Variants in DHTKD1 observed in about 807,000 individuals in gnomAD.
DHTKD1 encodes the protein dehydrogenase E1 and transketolase domain containing 1.
A neutral mutation model predicts 101.8 loss-of-function variants in DHTKD1; 78 were observed. The observed-to-expected ratio is 0.77, with a 90% CI of 0.64 to 0.93. DHTKD1 has a LOEUF of 0.93. Ranked by LOEUF, DHTKD1 falls within the 40% of genes least tolerant of loss-of-function variation. The pLI, the probability that DHTKD1 is intolerant of heterozygous loss-of-function variation, is 0.00. For missense variants in DHTKD1, 1,223 were observed against 1,161.7 expected (o/e 1.05, Z -0.77); for synonymous variants, 462 against 450.3 (o/e 1.03, Z -0.33).
chr10:12,082,074 C>T (rs908237675), intron 2 of DHTKD1, among the ~76,000 whole-genome samples: 1 of 151,772 alleles, frequency 6.6e-6, no homozygotes, highest in African/African-American at 2.4e-5. Flanking sequence ...CTGCAGTGAG[C>T]CTTGATCGTG....
At chr10:12,074,109 G>A (rs949931309) in intron 1 of DHTKD1, among the ~76,000 whole-genome samples, 35 of 152,308 alleles carry the variant, frequency 2.3e-4, no homozygotes, top group African/African-American at 6.7e-4. Flanking sequence ...TACGCCTAAC[G>A]TAAAGGTATT....
chr10:12,088,978 C>G lies in DHTKD1; in HGVS notation c.718-8C>G. 6.2e-7 allele frequency: 1 copy of G among 1,610,668 alleles called. No individual in the cohort carries two copies. Among genetic ancestry groups the G allele is most frequent in the East Asian group, 2.2e-5 (1 of 44,808 alleles). On this transcript the variant is annotated splice_polypyrimidine_tract_variant and splice_region_variant and intron_variant, in intron 4 of 16. Coordinates refer to ENST00000263035, the MANE Select transcript of DHTKD1 (RefSeq NM_018706.7). The stretch of plus-strand genomic sequence containing the variant: ...CCATTTTTTTCCTTTTGAATGTATC[C>G]ACAATAGCTGATGTTCCGTAAAATG...
chr10:12,088,894 CT>C lies in DHTKD1; in HGVS notation c.718-86del, dbSNP rs1331075179. The C allele has an allele frequency of 4.0e-6, 5 of 1,255,692 alleles. No homozygotes were observed. The African/African-American group carries it at 7.4e-5, about 19-fold the overall frequency. 77.8% of individuals were successfully genotyped at this position (1,255,692 alleles called of 1,614,324 possible). A position where few individuals can be genotyped will look rare whatever the true frequency, so the allele number is the denominator to read the frequency against. Reference sequence around the variant, plus strand: ...GCCACCACTCCTGGCTTTAAATTTTCTTTTTTGTTGTATGATTTCAACTCAG... The same window carrying C: ...GCCACCACTCCTGGCTTTAAATTTTCTTTTTGTTGTATGATTTCAACTCAG... On this transcript the variant is annotated intron_variant, in intron 4 of 16. Coordinates refer to ENST00000263035, the MANE Select transcript of DHTKD1 (RefSeq NM_018706.7).
chr10:12,088,206 C>A (rs921157979), intron 4 of DHTKD1, among the ~76,000 whole-genome samples: 22 of 152,080 alleles, frequency 1.4e-4, no homozygotes, highest in Non-Finnish European at 2.8e-4. Context: ...ACCTGCAATC[C>A]CAGCACTTTG....
intron 12 of DHTKD1, 32 bp downstream of exon 12, chr10:12,108,047 C>T: frequency 1.3e-6 from 2 of 1,526,284 alleles, no homozygotes; most frequent in Non-Finnish European, 1.8e-6. Flanking sequence ...GTCAATGAAT[C>T]ATTTTCCTGC....
chr10:12,083,516 C>G (rs1832854018), intron 2 of DHTKD1, among the ~76,000 whole-genome samples: 1 of 152,092 alleles, frequency 6.6e-6, no homozygotes, highest in Non-Finnish European at 1.5e-5. Context: ...AAGAGGATCA[C>G]CTGAGGACAG....
At chr10:12,100,287 G>GTTTTTTTTTTTGTTTTTTTTTTTTT in intron 9 of DHTKD1, 25 bp downstream of exon 9, 1 of 269,862 alleles carries the variant, frequency 3.7e-6, no homozygotes, top group Non-Finnish European at 6.1e-6. Context: ...TTTTTTTTCT[G>GTTTTTTTTTTTGTTTTTTTTTTTTT]TTTTTTTTTT....
chr10:12,103,877 T>C lies in DHTKD1; in HGVS notation c.1897-2369T>C, dbSNP rs1161088812. On this transcript the variant is annotated intron_variant, in intron 10 of 16. Coordinates refer to ENST00000263035, the MANE Select transcript of DHTKD1 (RefSeq NM_018706.7). The surrounding 1 kb of genome is among the most constrained non-coding windows in gnomAD (Gnocchi z 4.8). ...GAGCTATAACTCATACAATTCAACCTCTCAGTGTGTACACTTGAGCAGTTT... is the reference window on the plus strand; with the variant it reads ...GAGCTATAACTCATACAATTCAACCCCTCAGTGTGTACACTTGAGCAGTTT... Among the ~76,000 whole-genome samples the C allele has an allele frequency of 6.6e-6, 1 of 152,146 alleles. No individual in the cohort carries two copies. The highest frequency in any genetic ancestry group is 1.5e-5 in the Non-Finnish European group (1 of 68,022).
chr10:12,119,480 G>A (rs1229658106), intron 15 of DHTKD1, among the ~76,000 whole-genome samples: 1 of 151,156 alleles, frequency 6.6e-6, no homozygotes, highest in Non-Finnish European at 1.5e-5. Flanking sequence ...GCCGGGCGTG[G>A]TGGCGGGCGC....
chr10:12,090,412 C>G lies in DHTKD1; in HGVS notation c.988-1101C>G. Among the ~76,000 whole-genome samples, 4 of 132,130 alleles carry G rather than the reference C, an allele frequency of 3.0e-5. 1 individual carries two copies. The East Asian group carries it at 8.9e-4, about 29-fold the overall frequency. The allele number at this position is 132,130 out of a possible 152,430, so 86.7% of individuals were successfully genotyped here. A position where few individuals can be genotyped will look rare whatever the true frequency, so the allele number is the denominator to read the frequency against. On this transcript the variant is annotated intron_variant, in intron 5 of 16. Transcript: ENST00000263035. ...TTTTTCCTTCCTTCCTTCCTTTTTT[C>G]CTTCCTTCCTTCCTTTTTCCTTCCT...
At chr10:12,094,033 GGTTAACTGTCCT>G (rs1322023420) in intron 6 of DHTKD1, 28 bp from the exon 7 acceptor site, 5 of 1,552,720 alleles carry the variant, frequency 3.2e-6, no homozygotes, top group Non-Finnish European at 4.4e-6. Context: ...TGTCATTCTG[GGTTAACTGTCCT>G]GTTTCGGCTT....
chr10:12,120,278 G>C lies in DHTKD1; in HGVS notation c.2658+11G>C. ...CAGCTGGCCTGCAAGGTAATCACAC[G>C]TTTTCTCTGGTAGTGTTTTGTGTTT... On this transcript the variant is annotated intron_variant, in intron 16 of 16. Coordinates refer to ENST00000263035, the MANE Select transcript of DHTKD1 (RefSeq NM_018706.7). The C allele has an allele frequency of 6.2e-7, 1 of 1,602,924 alleles. No homozygotes were observed.
At chr10:12,095,400 G>A (rs1013125248) in intron 7 of DHTKD1, among the ~76,000 whole-genome samples, 11 of 152,122 alleles carry the variant, frequency 7.2e-5, no homozygotes, top group East Asian at 5.8e-4. Flanking sequence ...TTGAAATGCC[G>A]GGCATGGTGG....
At chr10:12,099,038 C>T (rs941183056) in intron 8 of DHTKD1, among the ~76,000 whole-genome samples, 1 of 152,002 alleles carries the variant, frequency 6.6e-6, no homozygotes, top group Non-Finnish European at 1.5e-5. Context: ...GGCATGGTGG[C>T]GCATGCCTGT....
At position 12,107,368 on chromosome 10, in the gene DHTKD1, C is replaced by T. The variant is rs893570795; in HGVS notation, c.2048-541C>T. 6.6e-6 allele frequency among the ~76,000 whole-genome samples: 1 copy of T among 152,000 alleles called. No homozygotes were observed. Among genetic ancestry groups the T allele is most frequent in the Non-Finnish European group, 1.5e-5 (1 of 67,950 alleles). The stretch of plus-strand genomic sequence containing the variant: ...TGTCCAGGAAGCTGGGAACGTTCCC[C>T]TTTGAGTTTGTCTTCCACTCGTAAA... On this transcript the variant is annotated intron_variant, in intron 11 of 16. Coordinates refer to ENST00000263035, the MANE Select transcript of DHTKD1 (RefSeq NM_018706.7). The surrounding 1 kb of genome is among the most constrained non-coding windows in gnomAD (Gnocchi z 4.1).
intron 12 of DHTKD1, among the ~76,000 whole-genome samples, chr10:12,111,762 G>C (rs969436721): frequency 2.0e-5 from 3 of 152,122 alleles, no homozygotes; most frequent in Non-Finnish European, 4.4e-5. Context: ...AGGAGGTCCT[G>C]AGTTTAAAGG....
At position 12,101,316 on chromosome 10, in the gene DHTKD1, G is replaced by GA. The variant is rs1692942479; in HGVS notation, c.1896+136dup. ...GAAGTAAAGGAGTGCTAAATGGGTG[G>GA]ATGAGGTGGGTCTGTCAATTTGGAA... On this transcript the variant is annotated intron_variant, in intron 10 of 16. Transcript: ENST00000263035. 13 of 925,740 alleles carry GA rather than the reference G, an allele frequency of 1.4e-5. No homozygotes were observed. The East Asian group carries it at 3.5e-4, about 25-fold the overall frequency. The allele number at this position is 925,740 out of a possible 1,614,324, so 57.3% of individuals were successfully genotyped here. A position where few individuals can be genotyped will look rare whatever the true frequency, so the allele number is the denominator to read the frequency against.
At position 12,103,751 on chromosome 10, in the gene DHTKD1, A is replaced by G. The variant is rs1172848995; in HGVS notation, c.1897-2495A>G. Among the ~76,000 whole-genome samples the G allele has an allele frequency of 2.6e-5, 4 of 152,142 alleles. No homozygotes were observed. Among genetic ancestry groups the G allele is most frequent in the Non-Finnish European group, 5.9e-5 (4 of 68,014 alleles). ...GTGTCATCTTGAATTCCTGGCCTCA[A>G]GCAATCCTCCTGCCTTGGCCTCCCA... On this transcript the variant is annotated intron_variant, in intron 10 of 16. Coordinates refer to ENST00000263035, the MANE Select transcript of DHTKD1 (RefSeq NM_018706.7). This position sits in a 1 kb window ranked among gnomAD's most constrained non-coding sequence, Gnocchi z 4.8.
chr10:12,077,561 C>A (rs969904959), intron 1 of DHTKD1, among the ~76,000 whole-genome samples: 2 of 152,156 alleles, frequency 1.3e-5, no homozygotes, highest in African/African-American at 4.8e-5. Context: ...GATGCTTTTT[C>A]ATCAATCATT....
Sources: gnomAD v4.1 joint callset for allele counts (sites outside exome capture counted in the v4.1 genomes callset) on GRCh38, gnomAD v4.1.1 for gene constraint, Gnocchi (gnomAD v3.1) non-coding constraint, MANE v1.5 for transcripts, NCBI Gene and HGNC (gene_info 2026-07-23, HGNC 2026-07-21) for gene names.